The following KYAT3 variants were observed in gnomAD, a reference collection of about 807,000 sequenced individuals.
The protein encoded by KYAT3 is kynurenine--oxoglutarate transaminase 3.
In KYAT3, 50 loss-of-function variants were observed where a neutral mutation model predicts 59.0. The ratio of observed to expected loss-of-function variants is 0.85; its 90% CI spans 0.68 to 1.07. The LOEUF is 1.07. Among genes scored for constraint, KYAT3 ranks in the 50% least tolerant of loss-of-function variants. The pLI, the probability that KYAT3 is intolerant of heterozygous loss-of-function variation, is 0.00. For synonymous variants in KYAT3, 148 were observed against 177.0 expected (o/e 0.84, Z 1.30); for missense variants, 497 against 533.3 (o/e 0.93, Z 0.67).
chr1:88,965,037 G>T, intron 4 of KYAT3, 59 bp from the exon 5 acceptor site: 1 of 1,297,338 alleles, frequency 7.7e-7, no homozygotes, highest in Non-Finnish European at 1.1e-6. Context: ...TACTGTTTGA[G>T]GTAATATGGC....
chr1:88,924,645 G>A, the KYAT3 span, among the ~76,000 whole-genome samples: 17 of 152,160 alleles, frequency 1.1e-4, 1 homozygote, highest in South Asian at 2.1e-4. Context: ...GCTTTTGCTC[G>A]CCGTCTACCA....
chr1:88,947,363 AC>A (rs1255553588), intron 11 of KYAT3, among the ~76,000 whole-genome samples: 1 of 152,108 alleles, frequency 6.6e-6, no homozygotes, highest in Non-Finnish European at 1.5e-5. Context: ...TATATCCTGG[AC>A]CACTCCTCAC....
intron 10 of KYAT3, among the ~76,000 whole-genome samples, chr1:88,950,304 G>T (rs1447120482): frequency 6.6e-6 from 1 of 152,152 alleles, no homozygotes; most frequent in East Asian, 1.9e-4. Context: ...TATGCCAAAA[G>T]AATGCAGTAA....
downstream of KYAT3, among the ~76,000 whole-genome samples, chr1:88,935,274 A>T (rs551935077): frequency 6.6e-5 from 10 of 151,466 alleles, no homozygotes; most frequent in Admixed American, 4.6e-4. Flanking sequence ...AAGTGCTGGG[A>T]TTACAGGCAT....
chr1:88,974,143 C>T (rs912739980), intron 2 of KYAT3, among the ~76,000 whole-genome samples: 1 of 152,144 alleles, frequency 6.6e-6, no homozygotes, highest in Non-Finnish European at 1.5e-5. Context: ...GGATACCACA[C>T]TTCGGGACCA....
chr1:88,923,218 T>C, the KYAT3 span, among the ~76,000 whole-genome samples: 1 of 152,244 alleles, frequency 6.6e-6, no homozygotes, highest in Admixed American at 6.5e-5. Context: ...AATCACATTT[T>C]CATTTTAGAA....
chr1:88,924,239 T>C, the KYAT3 span, among the ~76,000 whole-genome samples: 2 of 152,216 alleles, frequency 1.3e-5, no homozygotes, highest in African/African-American at 4.8e-5. Context: ...GCTGAGGCCA[T>C]GGACTGACAG....
chr1:88,943,870 T>G (rs964638261), intron 11 of KYAT3, among the ~76,000 whole-genome samples: 1 of 152,328 alleles, frequency 6.6e-6, no homozygotes, highest in Admixed American at 6.5e-5. Context: ...TTTGGTAACC[T>G]ATCGTATTCC....
chr1:88,961,638 A>C, intron 6 of KYAT3, 132 bp from the exon 7 acceptor site: 1 of 752,242 alleles, frequency 1.3e-6, no homozygotes, highest in African/African-American at 1.8e-5. Context: ...TTACCAACAA[A>C]TGCTTTCCTG....
chr1:88,931,450 C>G (rs1039119771), downstream of KYAT3, among the ~76,000 whole-genome samples: 1 of 152,112 alleles, frequency 6.6e-6, no homozygotes, highest in Non-Finnish European at 1.5e-5. Flanking sequence ...ATTGAAGGCA[C>G]CCCTCCTGAG....
chr1:88,967,906 G>A (rs1178562732), intron 4 of KYAT3, among the ~76,000 whole-genome samples: 1 of 152,104 alleles, frequency 6.6e-6, no homozygotes, highest in African/African-American at 2.4e-5. Flanking sequence ...TGTATAGGCT[G>A]GGGAGTGAGT....
At chr1:88,942,963 G>T in intron 13 of KYAT3, 42 bp downstream of exon 13, 1 of 1,272,108 alleles carries the variant, frequency 7.9e-7, no homozygotes, top group Non-Finnish European at 1.1e-6. Context: ...AAATTGAAAT[G>T]AAGATACTAT....
At chr1:88,977,527 C>A (rs752171974) in intron 2 of KYAT3, among the ~76,000 whole-genome samples, 1 of 150,778 alleles carries the variant, frequency 6.6e-6, no homozygotes, top group Admixed American at 6.6e-5. Flanking sequence ...TTAGTAGAGA[C>A]GAGGTTTCAC....
chr1:88,931,552 T>C (rs1318652020), downstream of KYAT3, among the ~76,000 whole-genome samples: 1 of 152,002 alleles, frequency 6.6e-6, no homozygotes, highest in Non-Finnish European at 1.5e-5. Flanking sequence ...GCACTTGGGT[T>C]TTCCTGTTGA....
intron 8 of KYAT3, among the ~76,000 whole-genome samples, chr1:88,960,472 A>G (rs903616163): frequency 2.0e-5 from 3 of 152,222 alleles, no homozygotes; most frequent in Non-Finnish European, 4.4e-5. Flanking sequence ...AAAACAAAAC[A>G]GAAAAAGGAC....
chr1:88,949,451 G>T (rs1236711058), intron 10 of KYAT3, among the ~76,000 whole-genome samples, 174 bp from the exon 11 acceptor site: 1 of 152,208 alleles, frequency 6.6e-6, no homozygotes, highest in Non-Finnish European at 1.5e-5. Flanking sequence ...GTTAATGGAG[G>T]AATCAGTTAT....
At chr1:88,943,651 A>C (rs1675330010) in intron 11 of KYAT3, among the ~76,000 whole-genome samples, 1 of 152,220 alleles carries the variant, frequency 6.6e-6, no homozygotes, top group Non-Finnish European at 1.5e-5. Flanking sequence ...CATATACATC[A>C]GGGTGATTAG....
intron 2 of KYAT3, among the ~76,000 whole-genome samples, chr1:88,977,690 G>A (rs1204020048): frequency 6.6e-6 from 1 of 152,162 alleles, no homozygotes; most frequent in Non-Finnish European, 1.5e-5. Flanking sequence ...TGTTCATAAA[G>A]TCTATAGTAG....
chr1:88,961,341 A>G (rs1377514290), intron 7 of KYAT3, 40 bp downstream of exon 7: 3 of 1,613,482 alleles, frequency 1.9e-6, no homozygotes, highest in Non-Finnish European at 2.5e-6. Flanking sequence ...TGAGAAAATG[A>G]TAGGTCAGAA....
Sources: gnomAD v4.1 joint callset for allele counts (sites outside exome capture counted in the v4.1 genomes callset) on GRCh38, gnomAD v4.1.1 for gene constraint, MANE v1.5 for transcripts, NCBI Gene and HGNC (gene_info 2026-07-23, HGNC 2026-07-21) for gene names.